The following RUNX2 variants were observed in gnomAD, a reference collection of about 807,000 sequenced individuals.
RUNX2 encodes RUNX family transcription factor 2.
A neutral mutation model predicts 51.7 loss-of-function variants in RUNX2; 10 were observed. The ratio of observed to expected loss-of-function variants is 0.19; its 90% CI spans 0.12 to 0.33. RUNX2 has a LOEUF of 0.33. RUNX2 is among the 10% of genes least tolerant of loss of function. RUNX2 has a pLI of 1.00. For synonymous variants in RUNX2, 276 were observed against 273.6 expected, an observed-to-expected ratio of 1.01 and a Z score of -0.09; for missense variants, 562 against 691.3, an observed-to-expected ratio of 0.81 and a Z score of 2.10.
At chr6:45,349,443 T>C (rs1791575511) in intron 2 of RUNX2, among the ~76,000 whole-genome samples, 1 of 152,220 alleles carries the variant, frequency 6.6e-6, no homozygotes, top group African/African-American at 2.4e-5. Context: ...GCACTAGTTT[T>C]CCAAGTATGG....
intron 5 of RUNX2, among the ~76,000 whole-genome samples, chr6:45,476,144 T>A (rs1400810031): frequency 6.6e-6 from 1 of 152,224 alleles, no homozygotes; most frequent in Admixed American, 6.5e-5. Context: ...ATTCTGTTCT[T>A]CCATTCCACT....
At chr6:45,501,663 A>G (rs891940090) in intron 6 of RUNX2, among the ~76,000 whole-genome samples, 12 of 152,226 alleles carry the variant, frequency 7.9e-5, no homozygotes, top group African/African-American at 2.9e-4. Flanking sequence ...GATAAGGCAT[A>G]TATCTTGCTG....
intron 2 of RUNX2, among the ~76,000 whole-genome samples, chr6:45,373,620 G>T (rs1226696587): frequency 6.6e-6 from 1 of 151,980 alleles, no homozygotes; most frequent in South Asian, 2.1e-4. Flanking sequence ...GCACGATCTC[G>T]GCTCACTGCA....
At chr6:45,472,321 A>T (rs1169391602) in intron 5 of RUNX2, among the ~76,000 whole-genome samples, 1 of 152,204 alleles carries the variant, frequency 6.6e-6, no homozygotes, top group East Asian at 1.9e-4. Flanking sequence ...GAGAAACAAA[A>T]TTTAAGTCTG....
At chr6:45,368,695 T>C (rs921668508) in intron 2 of RUNX2, among the ~76,000 whole-genome samples, 5 of 152,154 alleles carry the variant, frequency 3.3e-5, no homozygotes, top group East Asian at 3.8e-4. Flanking sequence ...AGAGAAGTTT[T>C]AATCTTTTCT....
At chr6:45,517,527 TTTG>T (rs1235449365) in intron 7 of RUNX2, among the ~76,000 whole-genome samples, 1 of 152,140 alleles carries the variant, frequency 6.6e-6, no homozygotes, top group Non-Finnish European at 1.5e-5. Flanking sequence ...GGGGTTTTTG[TTTG>T]TTGTTGTTGT....
chr6:45,506,473 C>T (rs1800970853), intron 6 of RUNX2, among the ~76,000 whole-genome samples: 1 of 152,116 alleles, frequency 6.6e-6, no homozygotes, highest in South Asian at 2.1e-4. Flanking sequence ...AGAGTGAGTG[C>T]ATAAAAACCC....
chr6:45,382,941 C>T (rs1169578241), intron 2 of RUNX2, among the ~76,000 whole-genome samples: 1 of 151,888 alleles, frequency 6.6e-6, no homozygotes, highest in Admixed American at 6.6e-5. Context: ...ATTTAGGGTT[C>T]TAGAGAAAGA....
intron 6 of RUNX2, among the ~76,000 whole-genome samples, chr6:45,506,668 G>A (rs1361230046): frequency 6.6e-6 from 1 of 152,132 alleles, no homozygotes; most frequent in Non-Finnish European, 1.5e-5. Context: ...TGTTGTTGTT[G>A]TTGTTGAGAC....
intron 2 of RUNX2, among the ~76,000 whole-genome samples, chr6:45,351,013 G>A (rs115650307): frequency 0.011 from 1,598 of 152,154 alleles, 30 homozygotes; most frequent in African/African-American, 0.036. Context: ...TAAGTTCTGC[G>A]CTCCTTATGA....
chr6:45,483,089 CACTA>C (rs1800161001), intron 5 of RUNX2, among the ~76,000 whole-genome samples: 1 of 152,226 alleles, frequency 6.6e-6, no homozygotes, highest in South Asian at 2.1e-4. Context: ...TGAAGCCACA[CACTA>C]ACATTGTTCT....
chr6:45,338,294 T>C (rs1429447597), intron 2 of RUNX2, among the ~76,000 whole-genome samples: 1 of 151,974 alleles, frequency 6.6e-6, no homozygotes, highest in African/African-American at 2.4e-5. Context: ...TGCAGATTGT[T>C]CTCTCAAAAA....
intron 2 of RUNX2, among the ~76,000 whole-genome samples, chr6:45,390,833 G>A (rs1167037760): frequency 6.6e-6 from 1 of 152,174 alleles, no homozygotes; most frequent in Non-Finnish European, 1.5e-5. Flanking sequence ...TAAAAAGATT[G>A]GGTTTGTGGG....
At chr6:45,455,903 A>G (rs923296167) in intron 5 of RUNX2, among the ~76,000 whole-genome samples, 2 of 152,190 alleles carry the variant, frequency 1.3e-5, no homozygotes, top group African/African-American at 4.8e-5. Context: ...GCCATTGTAG[A>G]GAGGTAATCA....
intron 2 of RUNX2, among the ~76,000 whole-genome samples, chr6:45,367,703 G>C (rs1795382144): frequency 6.6e-6 from 1 of 152,116 alleles, no homozygotes; most frequent in African/African-American, 2.4e-5. Context: ...TGTCTGATTT[G>C]ACAGACATGC....
chr6:45,412,457 A>C (rs1797971976), intron 2 of RUNX2, among the ~76,000 whole-genome samples: 1 of 152,196 alleles, frequency 6.6e-6, no homozygotes, highest in African/African-American at 2.4e-5. Context: ...ATTTTGAGGC[A>C]TGTGAAAAAT....
chr6:45,387,892 A>G (rs953044471), intron 2 of RUNX2, among the ~76,000 whole-genome samples: 5 of 152,216 alleles, frequency 3.3e-5, no homozygotes, highest in African/African-American at 9.6e-5. Flanking sequence ...AACAGCTTCA[A>G]TAGAGTGGTA....
At chr6:45,336,305 T>C (rs537055245) in intron 2 of RUNX2, among the ~76,000 whole-genome samples, 1 of 151,562 alleles carries the variant, frequency 6.6e-6, no homozygotes, top group South Asian at 2.1e-4. Flanking sequence ...GATTTAACAA[T>C]ATCCCTCCCT....
chr6:45,391,487 A>G (rs1582063101), intron 2 of RUNX2, among the ~76,000 whole-genome samples: 1 of 152,248 alleles, frequency 6.6e-6, no homozygotes, highest in South Asian at 2.1e-4. Context: ...TTTATAAATT[A>G]CCCAGCCTCA....
Sources: allele counts gnomAD v4.1 joint callset (sites outside exome capture counted in the v4.1 genomes callset), GRCh38; gene constraint gnomAD v4.1.1; transcripts MANE v1.5; gene names NCBI Gene and HGNC (gene_info 2026-07-23, HGNC 2026-07-21).